ATP5F1A: variants seen among roughly 807,000 people sequenced by gnomAD.
ATP5F1A encodes the protein ATP synthase F1 subunit alpha.
A neutral mutation model predicts 57.4 loss-of-function variants in ATP5F1A; 24 were observed. The ratio of observed to expected loss-of-function variants is 0.42; its 90% confidence interval spans 0.30 to 0.59. The LOEUF is 0.59. ATP5F1A is among the 20% of genes least tolerant of loss of function. ATP5F1A has a pLI of 0.19. For missense variants in ATP5F1A, 494 were observed against 707.9 expected, an observed-to-expected ratio of 0.70 and a Z score of 3.43; for synonymous variants, 251 against 255.5, an observed-to-expected ratio of 0.98 and a Z score of 0.17.
At chr18:46,099,120 C>T (rs1448631644), upstream of ATP5F1A, among the ~76,000 whole-genome samples, 1 of 152,154 alleles carries the variant, frequency 6.6e-6, no homozygotes, top group Non-Finnish European at 1.5e-5. Flanking sequence ...TATCAACAAT[C>T]ACAAGGAGGC....
Position 46,086,367 on chromosome 18 carries a change from C to A in ATP5F1A, c.1284+20G>T. On this transcript the variant is annotated intron_variant, in intron 9 of 11. Coordinates refer to ENST00000398752, the MANE Select transcript of ATP5F1A (RefSeq NM_004046.6). ...TAATCTAATGATAGCCCCCTTACTG[C>A]CAAAGTGATGCAAAATTACCTGCTT... is the stretch of plus-strand genomic sequence containing the variant. The A allele has an allele frequency of 6.2e-7, 1 of 1,613,704 alleles. No homozygotes were observed. Among genetic ancestry groups the A allele is most frequent in the Non-Finnish European group, 8.5e-7 (1 of 1,179,838 alleles).
At chr18:46,088,054 A>G in intron 6 of ATP5F1A, 55 bp downstream of exon 6, 1 of 1,562,768 alleles carries the variant, frequency 6.4e-7, no homozygotes, top group South Asian at 1.2e-5. Context: ...CTATTCTACA[A>G]TCAGCAGCAA....
Position 46,089,648 on chromosome 18 carries a change from G to A in ATP5F1A, c.568C>T (p.Gln190Ter). The A allele has an allele frequency of 6.2e-7, 1 of 1,614,224 alleles. No homozygotes were observed. Among genetic ancestry groups the A allele is most frequent in the Admixed American group, 1.7e-5 (1 of 60,028 alleles). ...CTATCCACAGCCTTAATGCCAGTCT[G>A]CATTGGTTCCCGCACTGAAATTCGA... ...IPRISVREPM[Q>*]TGIKAVDSLV... The change falls in exon 5 of 12, where the codon CAG (glutamine) becomes TAG (stop). Residue 190 changes from glutamine (Q) to a stop codon, truncating the protein, a stop_gained. Coordinates refer to ENST00000398752, the MANE Select transcript of ATP5F1A (RefSeq NM_004046.6). LOFTEE classifies it high-confidence loss of function.
chr18:46,084,492 T>C lies in ATP5F1A; in HGVS notation c.1580+12A>G, dbSNP rs370098146. On this transcript the variant is annotated intron_variant, in intron 11 of 11. Coordinates refer to ENST00000398752, the MANE Select transcript of ATP5F1A (RefSeq NM_004046.6). The stretch of plus-strand genomic sequence containing the variant: ...TAACTTTAAAAAAAGATGCCAACAA[T>C]TGCATTCATACCTGATAGTGCCCAA... The C allele has an allele frequency of 1.9e-6, 3 of 1,582,874 alleles. No individual in the cohort carries two copies. Among genetic ancestry groups the C allele is most frequent in the Non-Finnish European group, 2.6e-6 (3 of 1,169,060 alleles).
intron 8 of ATP5F1A, 107 bp from the exon 9 acceptor site, chr18:46,086,601 C>T (rs1182714146): frequency 9.4e-7 from 1 of 1,065,884 alleles, no homozygotes; most frequent in Non-Finnish European, 1.4e-6. Context: ...CCTAACAATG[C>T]AAAGCATCAG....
Position 46,082,505 on chromosome 18 carries a change from GA to G in ATP5F1A, c.*1776del, listed in dbSNP as rs1421893882. On this transcript the variant is annotated 3_prime_UTR_variant, in exon 12 of 12. Transcript: ENST00000398752. ...TCGAGACCAGCCTGGCCAATATGGTGAAACCCCGCCTCTACTAAAAATACAA... is the reference window on the plus strand; with the variant it reads ...TCGAGACCAGCCTGGCCAATATGGTGAACCCCGCCTCTACTAAAAATACAA... The G allele has an allele frequency of 1.3e-5, 2 of 151,330 alleles. No homozygotes were observed. The highest frequency in any genetic ancestry group is 4.9e-5 in the African/African-American group (2 of 41,140). 9.4% of individuals were successfully genotyped at this position (151,330 alleles called of 1,614,324 possible). A position where few individuals can be genotyped will look rare whatever the true frequency, so the allele number is the denominator to read the frequency against.
chr18:46,104,149 G>A (rs1328537286), exon 1 of ATP5F1A: 1 of 394,002 alleles, frequency 2.5e-6, no homozygotes, highest in Non-Finnish European at 4.5e-6. Flanking sequence ...GGTTCTAGGC[G>A]GCTCTATCTC....
upstream of ATP5F1A, among the ~76,000 whole-genome samples, chr18:46,103,229 G>C (rs1162025139): frequency 6.6e-6 from 1 of 151,732 alleles, no homozygotes; most frequent in Non-Finnish European, 1.5e-5. Context: ...CTTGAGCCTG[G>C]GGACGGGGGT....
intron 1 of ATP5F1A, chr18:46,104,095 T>G (rs1911375603): frequency 3.1e-6 from 1 of 321,886 alleles, no homozygotes; most frequent in Admixed American, 4.9e-5. Flanking sequence ...TAACGACAAG[T>G]GATTCAAACA....
intron 10 of ATP5F1A, 95 bp downstream of exon 10, chr18:46,086,018 T>C (rs1296488002): frequency 8.3e-6 from 11 of 1,329,722 alleles, no homozygotes; most frequent in Admixed American, 2.4e-5. Context: ...TAACAACACG[T>C]AGTACAGGCC....
At chr18:46,086,969 A>G in intron 8 of ATP5F1A, 39 bp downstream of exon 8, 3 of 1,597,762 alleles carry the variant, frequency 1.9e-6, no homozygotes, top group Non-Finnish European at 2.6e-6. Flanking sequence ...GAATTATCCA[A>G]ATCTTTTTTA....
At chr18:46,089,501 T>C (rs1910385455) in intron 5 of ATP5F1A, 65 bp downstream of exon 5, 8 of 1,578,574 alleles carry the variant, frequency 5.1e-6, no homozygotes, top group Non-Finnish European at 6.9e-6. Context: ...ATTCCAAGAC[T>C]AAAATATAAT....
At chr18:46,103,329 C>CA (rs1555696944) in intron 1 of ATP5F1A, among the ~76,000 whole-genome samples, 7 of 151,030 alleles carry the variant, frequency 4.6e-5, no homozygotes, top group African/African-American at 1.7e-4. Context: ...AAGAAAAGGT[C>CA]GGGCGCAGTG....
chr18:46,101,265 C>G (rs2467669), upstream of ATP5F1A, among the ~76,000 whole-genome samples: 37,448 of 151,770 alleles, frequency 0.25, 6,350 homozygotes, highest in African/African-American at 0.47. Context: ...GAAAAAATAT[C>G]GTTTCTAAAA....
At position 46,082,079 on chromosome 18, in the gene ATP5F1A, TAA is replaced by T. The variant is rs35693676; in HGVS notation, c.*2201_*2202del. On this transcript the variant is annotated 3_prime_UTR_variant, in exon 12 of 12. Transcript: ENST00000398752. ...ACAGACAAAAGCCTTTATATATCAG[TAA>T]AAAAAAAAAAAAAAAAAAGAGGCCG... 8,592 of 121,548 alleles carry T rather than the reference TAA, an allele frequency of 0.071. 333 individuals carry two copies. The highest frequency in any genetic ancestry group is 0.13 in the African/African-American group (4,360 of 32,578). The allele number at this position is 121,548 out of a possible 1,614,324, so 7.5% of individuals were successfully genotyped here. A position where few individuals can be genotyped will look rare whatever the true frequency, so the allele number is the denominator to read the frequency against.
chr18:46,086,365 T>G (rs1326366408), intron 9 of ATP5F1A, 22 bp downstream of exon 9: 2 of 1,613,864 alleles, frequency 1.2e-6, no homozygotes, highest in Non-Finnish European at 1.7e-6. Context: ...GCCCCCTTAC[T>G]GCCAAAGTGA....
chr18:46,084,935 A>G (rs548469970), intron 10 of ATP5F1A: 3 of 290,120 alleles, frequency 1.0e-5, no homozygotes, highest in African/African-American at 6.5e-5. Context: ...TTTTGAGTAT[A>G]AATATTTTGC....
intron 1 of ATP5F1A, among the ~76,000 whole-genome samples, chr18:46,097,656 C>T (rs1911059903): frequency 6.6e-6 from 1 of 151,616 alleles, no homozygotes; most frequent in African/African-American, 2.4e-5. Flanking sequence ...CGTAAGTATT[C>T]CAAAAACCAC....
At chr18:46,097,186 G>A (rs1356227925) in intron 1 of ATP5F1A, among the ~76,000 whole-genome samples, 2 of 151,858 alleles carry the variant, frequency 1.3e-5, no homozygotes, top group South Asian at 2.1e-4. Flanking sequence ...CCTTCCATAG[G>A]AGCTAGATGA....
Sources: allele counts gnomAD v4.1 joint callset (sites outside exome capture counted in the v4.1 genomes callset), GRCh38; gene constraint gnomAD v4.1.1; transcripts MANE v1.5; gene names NCBI Gene and HGNC (gene_info 2026-07-23, HGNC 2026-07-21).